The following PARN variants were observed in gnomAD, a reference collection of about 807,000 sequenced individuals.
PARN encodes the protein poly(A)-specific ribonuclease, also known as poly(A)-specific ribonuclease PARN.
A neutral mutation model predicts 102.8 loss-of-function variants in PARN; 71 were observed. The observed-to-expected ratio is 0.69, with a 90% CI of 0.57 to 0.84. The LOEUF (loss-of-function observed/expected upper bound fraction) is 0.84, where lower values mean the gene tolerates loss of function less well. Ranked by LOEUF, PARN falls within the 40% of genes least tolerant of loss-of-function variation. The pLI, the probability that PARN is intolerant of heterozygous loss-of-function variation, is 0.00. For missense variants in PARN, 782 were observed against 760.9 expected, an observed-to-expected ratio of 1.03 and a Z score of -0.33; for synonymous variants, 261 against 252.9, an observed-to-expected ratio of 1.03 and a Z score of -0.30.
chr16:14,451,846 AAAAAAAAAAAAAAAAAAAAATAC>A (rs1488902781), intron 22 of PARN, among the ~76,000 whole-genome samples: 3 of 78,880 alleles, frequency 3.8e-5, no homozygotes, highest in African/African-American at 1.8e-4. Flanking sequence ...CCGTCTCTAA[AAAAAAAAAAAAAAAAAAAAATAC>A]AAAAAAAAAA....
intron 22 of PARN, among the ~76,000 whole-genome samples, chr16:14,473,392 A>G (rs919929745): frequency 6.6e-6 from 1 of 152,258 alleles, no homozygotes; most frequent in Non-Finnish European, 1.5e-5. Flanking sequence ...CTGCCCAAAT[A>G]TAAGAGAGAT....
intron 12 of PARN, among the ~76,000 whole-genome samples, chr16:14,598,649 T>C (rs1472118811): frequency 6.6e-6 from 1 of 152,172 alleles, no homozygotes; most frequent in Non-Finnish European, 1.5e-5. Flanking sequence ...CTTTCCAACT[T>C]TCTATTCGAC....
chr16:14,514,391 T>C, intron 21 of PARN, among the ~76,000 whole-genome samples: 1 of 152,092 alleles, frequency 6.6e-6, no homozygotes, highest in Non-Finnish European at 1.5e-5. Flanking sequence ...TTTCACCGTG[T>C]TAGCCAGGAT....
chr16:14,602,283 T>C (rs1343611921), intron 11 of PARN, among the ~76,000 whole-genome samples: 1 of 152,092 alleles, frequency 6.6e-6, no homozygotes, highest in Non-Finnish European at 1.5e-5. Flanking sequence ...GTACATTTTG[T>C]CGACTTCTGC....
At chr16:14,487,309 C>T (rs1963766190) in intron 21 of PARN, among the ~76,000 whole-genome samples, 1 of 152,192 alleles carries the variant, frequency 6.6e-6, no homozygotes, top group South Asian at 2.1e-4. Flanking sequence ...TTAATACTGC[C>T]ACATGCCTGC....
At chr16:14,611,247 G>A (rs1971503578) in intron 6 of PARN, among the ~76,000 whole-genome samples, 1 of 152,168 alleles carries the variant, frequency 6.6e-6, no homozygotes, top group Non-Finnish European at 1.5e-5. Flanking sequence ...ACGGTTCCAG[G>A]AGCAGCAAGG....
intron 16 of PARN, among the ~76,000 whole-genome samples, chr16:14,584,065 T>G (rs1264048885): frequency 6.6e-6 from 1 of 152,210 alleles, no homozygotes; most frequent in Non-Finnish European, 1.5e-5. Flanking sequence ...CACATCAAGT[T>G]TTAGGAGAAT....
chr16:14,600,395 G>A (rs568123807), intron 11 of PARN, among the ~76,000 whole-genome samples: 8 of 151,802 alleles, frequency 5.3e-5, no homozygotes, highest in South Asian at 2.1e-4. Flanking sequence ...TTTTTTCCTC[G>A]AAAAATACAT....
intron 18 of PARN, among the ~76,000 whole-genome samples, chr16:14,559,251 AT>A (rs1285512913): frequency 6.6e-6 from 1 of 150,840 alleles, no homozygotes; most frequent in East Asian, 1.9e-4. Flanking sequence ...TCTTTATTTT[AT>A]TTTTTTCCAT....
At chr16:14,610,003 G>C (rs1971428701) in intron 7 of PARN, among the ~76,000 whole-genome samples, 1 of 152,098 alleles carries the variant, frequency 6.6e-6, no homozygotes, top group South Asian at 2.1e-4. Context: ...CTTGAGCTCA[G>C]GAGTTTGACA....
At chr16:14,608,425 G>T in intron 8 of PARN, 106 bp from the exon 9 acceptor site, 1 of 678,206 alleles carries the variant, frequency 1.5e-6, no homozygotes, top group Non-Finnish European at 2.5e-6. Context: ...GACTTCATTA[G>T]AACTGATAGG....
chr16:14,581,114 G>A (rs1039917570), intron 17 of PARN, among the ~76,000 whole-genome samples, 171 bp from the exon 18 acceptor site: 2 of 151,936 alleles, frequency 1.3e-5, no homozygotes, highest in African/African-American at 2.4e-5. Flanking sequence ...GTGCAATGGC[G>A]CAATCTCGGT....
chr16:14,475,655 C>T (rs948678432), intron 22 of PARN, among the ~76,000 whole-genome samples: 2 of 152,274 alleles, frequency 1.3e-5, no homozygotes, highest in Non-Finnish European at 2.9e-5. Flanking sequence ...AGAAGCTCGA[C>T]TGCTCTGACC....
intron 22 of PARN, among the ~76,000 whole-genome samples, chr16:14,458,925 C>T (rs1410135922): frequency 6.6e-6 from 1 of 152,100 alleles, no homozygotes; most frequent in Non-Finnish European, 1.5e-5. Context: ...GTAGCCATCC[C>T]CCACATACCG....
chr16:14,437,285 T>A (rs1368275681), intron 23 of PARN, among the ~76,000 whole-genome samples: 1 of 152,136 alleles, frequency 6.6e-6, no homozygotes, highest in Admixed American at 6.5e-5. Context: ...CCTGCCAAAG[T>A]CCCTGGAAAC....
intron 22 of PARN, among the ~76,000 whole-genome samples, chr16:14,457,655 G>A (rs559854350): frequency 7.9e-5 from 12 of 151,396 alleles, no homozygotes; most frequent in East Asian, 3.9e-4. Context: ...AAAAACAGCC[G>A]GGCATCATGG....
intron 19 of PARN, among the ~76,000 whole-genome samples, 165 bp from the exon 20 acceptor site, chr16:14,554,316 C>T (rs1246516853): frequency 6.6e-6 from 1 of 152,202 alleles, no homozygotes; most frequent in Non-Finnish European, 1.5e-5. Flanking sequence ...GGGATTCTGC[C>T]ATGGTAATCT....
chr16:14,552,686 C>T (rs1406708545), intron 20 of PARN, among the ~76,000 whole-genome samples: 3 of 152,118 alleles, frequency 2.0e-5, no homozygotes, highest in East Asian at 1.9e-4. Flanking sequence ...CGGTGGCTCA[C>T]GCCTATAATC....
chr16:14,610,447 T>C (rs1971457454), intron 7 of PARN, among the ~76,000 whole-genome samples, 197 bp downstream of exon 7: 1 of 144,912 alleles, frequency 6.9e-6, no homozygotes, highest in African/African-American at 2.5e-5. Flanking sequence ...CACTCCAGCC[T>C]GGGCAAAAGA....
Sources: allele counts gnomAD v4.1 joint callset (sites outside exome capture counted in the v4.1 genomes callset), GRCh38; gene constraint gnomAD v4.1.1; transcripts MANE v1.5; gene names NCBI Gene and HGNC (gene_info 2026-07-23, HGNC 2026-07-21).